MED27: variants seen among roughly 807,000 people sequenced by gnomAD.
MED27 encodes mediator of RNA polymerase II transcription subunit 27.
MED27 carries 30 observed loss-of-function variants against 38.2 expected under a neutral mutation model. The observed-to-expected ratio is 0.79, with a 90% CI of 0.59 to 1.07. MED27 has a LOEUF of 1.07. Among genes scored for constraint, MED27 ranks in the 50% least tolerant of loss-of-function variants. The pLI is 0.00. For synonymous variants in MED27, 122 were observed against 153.5 expected, an observed-to-expected ratio of 0.79 and a Z score of 1.52; for missense variants, 289 against 397.5, an observed-to-expected ratio of 0.73 and a Z score of 2.32.
chr9:131,993,330 G>A (rs1025657864), intron 3 of MED27, among the ~76,000 whole-genome samples: 17 of 152,056 alleles, frequency 1.1e-4, no homozygotes, highest in African/African-American at 4.1e-4. Context: ...GGGGAGAAAT[G>A]AATACAGGTA....
At chr9:131,910,940 C>A (rs944270482) in intron 4 of MED27, among the ~76,000 whole-genome samples, 2 of 152,144 alleles carry the variant, frequency 1.3e-5, no homozygotes, top group East Asian at 3.8e-4. Context: ...GTTACCTCAT[C>A]TGCCACTAGT....
intron 3 of MED27, among the ~76,000 whole-genome samples, chr9:131,980,725 T>C (rs1481677538): frequency 6.6e-6 from 1 of 150,990 alleles, no homozygotes; most frequent in Non-Finnish European, 1.5e-5. Flanking sequence ...TATGGAAACA[T>C]GAGCCTGACT....
intron 4 of MED27, among the ~76,000 whole-genome samples, chr9:131,916,939 G>C (rs1830301616): frequency 6.6e-6 from 1 of 152,172 alleles, no homozygotes; most frequent in African/African-American, 2.4e-5. Flanking sequence ...TCTCGGCCTG[G>C]AAATAAGGGT....
chr9:132,062,796 A>AT (rs761622976), intron 2 of MED27, among the ~76,000 whole-genome samples: 49 of 151,868 alleles, frequency 3.2e-4, no homozygotes, highest in Non-Finnish European at 5.3e-4. Flanking sequence ...AGATATTTTC[A>AT]TTTTTTTGTA....
At chr9:131,936,392 T>C (rs1830685949) in intron 4 of MED27, among the ~76,000 whole-genome samples, 1 of 152,160 alleles carries the variant, frequency 6.6e-6, no homozygotes, top group Non-Finnish European at 1.5e-5. Flanking sequence ...ATGAGATAAG[T>C]GCTGTGTAAG....
intron 2 of MED27, among the ~76,000 whole-genome samples, chr9:132,018,892 G>A (rs563521977): frequency 6.9e-6 from 1 of 145,128 alleles, no homozygotes; most frequent in African/African-American, 2.4e-5. Flanking sequence ...TCTCCTGGAC[G>A]TAAGTTATGA....
intron 2 of MED27, among the ~76,000 whole-genome samples, chr9:132,054,305 C>T (rs1055724661): frequency 3.9e-5 from 6 of 152,224 alleles, no homozygotes; most frequent in Non-Finnish European, 8.8e-5. Flanking sequence ...GAGGTACCTG[C>T]TCCCACTTTG....
chr9:132,002,430 C>T (rs1832256583), intron 3 of MED27, among the ~76,000 whole-genome samples: 1 of 152,160 alleles, frequency 6.6e-6, no homozygotes, highest in Non-Finnish European at 1.5e-5. Flanking sequence ...GAGACAAACC[C>T]ACTTCCCATG....
At position 131,973,121 on chromosome 9, in the gene MED27, T is replaced by G. The variant is rs896289708; in HGVS notation, c.480-33647A>C. On this transcript the variant is annotated intron_variant, in intron 3 of 7. Coordinates refer to ENST00000292035, the MANE Select transcript of MED27 (RefSeq NM_004269.4). Reference sequence around the variant, plus strand: ...ACCAATTCCTACCTAGAAGAAATTATAAACTTTCTAGTACACTTTTTTCTT... The same window carrying G: ...ACCAATTCCTACCTAGAAGAAATTAGAAACTTTCTAGTACACTTTTTTCTT... Among the ~76,000 whole-genome samples the G allele has an allele frequency of 1.3e-5, 2 of 152,268 alleles. 1 individual carries two copies. Among genetic ancestry groups the G allele is most frequent in the South Asian group, 4.1e-4 (2 of 4,832 alleles).
chr9:132,070,120 T>C (rs547050223), intron 2 of MED27, among the ~76,000 whole-genome samples: 9 of 152,184 alleles, frequency 5.9e-5, no homozygotes, highest in African/African-American at 1.9e-4. Context: ...CGTCCCAAAT[T>C]AGAAAGCTGG....
intron 3 of MED27, among the ~76,000 whole-genome samples, chr9:131,956,340 C>T (rs866769460): frequency 6.6e-5 from 10 of 152,086 alleles, no homozygotes; most frequent in South Asian, 2.1e-4. Flanking sequence ...AGATGAATGG[C>T]GGTGATGGCT....
In MED27 at chr9:132,051,831, C is replaced by T. The variant is rs1484496472; in HGVS notation, c.348+25611G>A. On this transcript the variant is annotated intron_variant, in intron 2 of 7. Transcript: ENST00000292035. The surrounding 1 kb of genome is among the most constrained non-coding windows in gnomAD (Gnocchi z 4.2). ...ACTGCTCTGATCCCAGAAAATATGTCACATATCACATTAAAACCAGAAGAA... is the reference window on the plus strand; with the variant it reads ...ACTGCTCTGATCCCAGAAAATATGTTACATATCACATTAAAACCAGAAGAA... Among the ~76,000 whole-genome samples the T allele has an allele frequency of 1.3e-5, 2 of 152,164 alleles. No individual in the cohort carries two copies. The highest frequency in any genetic ancestry group is 4.8e-5 in the African/African-American group (2 of 41,438).
intron 4 of MED27, among the ~76,000 whole-genome samples, chr9:131,927,650 G>C (rs1830505633): frequency 6.6e-6 from 1 of 152,146 alleles, no homozygotes; most frequent in African/African-American, 2.4e-5. Flanking sequence ...AGGCTAGGAG[G>C]TGACTACTCC....
At chr9:132,006,056 C>A (rs7025089) in intron 3 of MED27, among the ~76,000 whole-genome samples, 91,875 of 152,082 alleles carry the variant, frequency 0.6, 28,581 homozygotes, top group Non-Finnish European at 0.68. Context: ...TGTGGTATTT[C>A]ATGAATACTG....
Position 132,014,376 on chromosome 9 carries a change from C to A in MED27, c.440G>T (p.Arg147Ile), listed in dbSNP as rs1316189850. 1 of 1,613,146 alleles carries A rather than the reference C, an allele frequency of 6.2e-7. No homozygotes were observed. Among genetic ancestry groups the A allele is most frequent in the South Asian group, 1.1e-5 (1 of 91,028 alleles). Residue 147 changes from arginine (R) to isoleucine (I), a missense_variant, in exon 3 of 8, where the codon AGA (arginine) becomes ATA (isoleucine). Transcript: ENST00000292035. ...AAGAGTTGTGGGCTGAGCCTTTGGT[C>A]TACGTTTGGCAGATACTCCCATCTG... Reference protein sequence around the residue: ...ANQMGVSAKRRPKAQPTTLVL... With the variant: ...ANQMGVSAKRIPKAQPTTLVL...
intron 3 of MED27, among the ~76,000 whole-genome samples, chr9:131,947,370 C>T (rs1319449221): frequency 2.6e-5 from 4 of 152,098 alleles, no homozygotes; most frequent in African/African-American, 9.7e-5. Flanking sequence ...AAGCTCAGTG[C>T]CTCTTAGAAG....
chr9:131,973,796 C>T lies in MED27; in HGVS notation c.480-34322G>A, dbSNP rs942018766. ...GATCTTGGCTCACTGTAAGCTCCAC[C>T]TCCCGGGTTCACACCATTCTCCTGC... is the stretch of plus-strand genomic sequence containing the variant. On this transcript the variant is annotated intron_variant, in intron 3 of 7. Transcript: ENST00000292035. Among the ~76,000 whole-genome samples, 12 of 152,218 alleles carry T rather than the reference C, an allele frequency of 7.9e-5. No individual in the cohort carries two copies. The East Asian group carries it at 2.3e-3, about 29-fold the overall frequency.
intron 4 of MED27, among the ~76,000 whole-genome samples, chr9:131,937,471 T>G (rs1413037943): frequency 6.6e-6 from 1 of 152,030 alleles, no homozygotes; most frequent in Non-Finnish European, 1.5e-5. Context: ...GCCCCTAAAC[T>G]CTCTCATCAG....
intron 3 of MED27, among the ~76,000 whole-genome samples, chr9:131,971,340 G>A (rs527356820): frequency 5.9e-5 from 9 of 152,324 alleles, no homozygotes; most frequent in South Asian, 2.1e-4. Flanking sequence ...CCGGAACAGC[G>A]AAGAAGCTTA....
Sources: gnomAD v4.1 joint callset for allele counts (sites outside exome capture counted in the v4.1 genomes callset) on GRCh38, gnomAD v4.1.1 for gene constraint, Gnocchi (gnomAD v3.1) non-coding constraint, MANE v1.5 for transcripts, NCBI Gene and HGNC (gene_info 2026-07-23, HGNC 2026-07-21) for gene names.